SNW1: variants seen among roughly 807,000 people sequenced by gnomAD.
The protein encoded by SNW1 is SNW domain containing 1, also known as SNW domain-containing protein 1.
In SNW1, 9 loss-of-function variants were observed where a neutral mutation model predicts 75.6. The ratio of observed to expected loss-of-function variants is 0.12; its 90% CI spans 0.07 to 0.21. SNW1 has a LOEUF of 0.21. SNW1 is among the 10% of genes least tolerant of loss of function. The probability of loss-of-function intolerance (pLI) is 1.00; values close to 1 mark genes in which losing one functional copy is unlikely to be tolerated. For synonymous variants in SNW1, 200 were observed against 219.1 expected (o/e 0.91, Z 0.77); for missense variants, 409 against 670.9 (o/e 0.61, Z 4.31).
At chr14:77,752,035 G>A (rs2080813326) in intron 2 of SNW1, among the ~76,000 whole-genome samples, 1 of 152,164 alleles carries the variant, frequency 6.6e-6, no homozygotes, top group East Asian at 1.9e-4. Flanking sequence ...GGACTTACAT[G>A]CTACAGCAAG....
intron 12 of SNW1, among the ~76,000 whole-genome samples, chr14:77,719,277 T>TA (rs1307055354): frequency 6.6e-6 from 1 of 152,166 alleles, no homozygotes; most frequent in African/African-American, 2.4e-5. Context: ...AATATTTACT[T>TA]ACGTGAAATT....
At chr14:77,734,922 G>C (rs368893593) in intron 8 of SNW1, 25 bp downstream of exon 8, 29 of 1,522,878 alleles carry the variant, frequency 1.9e-5, no homozygotes, top group Non-Finnish European at 2.5e-5. Context: ...TATACTAATA[G>C]AGACTGATTT....
At chr14:77,726,807 T>TC (rs1435372047) in intron 10 of SNW1, among the ~76,000 whole-genome samples, 1 of 151,082 alleles carries the variant, frequency 6.6e-6, no homozygotes, top group African/African-American at 2.4e-5. Flanking sequence ...AGAGTGAGAC[T>TC]CCGTCTCAAA....
At chr14:77,720,662 G>T in intron 12 of SNW1, 49 bp downstream of exon 12, 3 of 1,184,250 alleles carry the variant, frequency 2.5e-6, no homozygotes, top group South Asian at 1.2e-5. Context: ...TTTCCCTGAG[G>T]ATAGGTATTC....
chr14:77,743,816 G>A (rs1434929678), intron 3 of SNW1, among the ~76,000 whole-genome samples: 1 of 152,128 alleles, frequency 6.6e-6, no homozygotes, highest in Non-Finnish European at 1.5e-5. Context: ...GTACAATGCT[G>A]AAGATGGTCC....
chr14:77,729,904 T>C (rs764695961), intron 10 of SNW1, among the ~76,000 whole-genome samples: 2 of 152,214 alleles, frequency 1.3e-5, no homozygotes, highest in Non-Finnish European at 2.9e-5. Context: ...AAAAGCTTTA[T>C]CTTTAGGTTA....
chr14:77,752,705 A>T (rs2080817790), intron 2 of SNW1, among the ~76,000 whole-genome samples: 1 of 152,214 alleles, frequency 6.6e-6, no homozygotes, highest in Non-Finnish European at 1.5e-5. Context: ...ATTAAGAAAT[A>T]ATAGAAAACA....
chr14:77,727,664 G>T (rs560343458), intron 10 of SNW1, among the ~76,000 whole-genome samples: 3 of 152,118 alleles, frequency 2.0e-5, no homozygotes, highest in East Asian at 1.9e-4. Flanking sequence ...CTTATTCTTG[G>T]TTCTATTAAT....
intron 11 of SNW1, chr14:77,722,402 T>A (rs1182818330): frequency 1.1e-5 from 4 of 376,972 alleles, no homozygotes; most frequent in African/African-American, 2.1e-5. Flanking sequence ...ATGAGCTGAT[T>A]TTCTACTTCT....
chr14:77,759,570 C>A (rs1234507919), intron 1 of SNW1, among the ~76,000 whole-genome samples: 1 of 152,054 alleles, frequency 6.6e-6, no homozygotes, highest in African/African-American at 2.4e-5. Flanking sequence ...CCTGTGTGTC[C>A]ATTTCAAATT....
At chr14:77,753,907 C>A (rs564447183) in intron 2 of SNW1, among the ~76,000 whole-genome samples, 19 of 150,964 alleles carry the variant, frequency 1.3e-4, no homozygotes, top group African/African-American at 3.7e-4. Context: ...GAGCCAAGAT[C>A]GCACCACTGC....
At chr14:77,728,051 T>A (rs1400300403) in intron 10 of SNW1, among the ~76,000 whole-genome samples, 1 of 143,810 alleles carries the variant, frequency 7.0e-6, no homozygotes. Flanking sequence ...TGTTAATTGT[T>A]AAAAAAAAAA....
In SNW1 at chr14:77,761,152, GC is replaced by G; in HGVS notation, c.-26del. 1.2e-6 allele frequency: 2 copies of G among 1,614,242 alleles called. No individual in the cohort carries two copies. Among genetic ancestry groups the G allele is most frequent in the Non-Finnish European group, 1.7e-6 (2 of 1,180,038 alleles). On this transcript the variant is annotated 5_prime_UTR_variant, in exon 1 of 14. Coordinates refer to ENST00000261531, the MANE Select transcript of SNW1 (RefSeq NM_012245.3). ...TCTTCTTCCGCTTCTTCCAGCGCGA[GC>G]GACAGCACCGCTGGGCGGGTCTTTC...
intron 10 of SNW1, 49 bp downstream of exon 10, chr14:77,730,938 TA>T: frequency 6.3e-7 from 1 of 1,580,066 alleles, no homozygotes; most frequent in Non-Finnish European, 8.6e-7. Context: ...TAAAATAAGA[TA>T]TATTTTGTTC....
chr14:77,757,245 A>G (rs979509860), intron 1 of SNW1, among the ~76,000 whole-genome samples: 3 of 152,154 alleles, frequency 2.0e-5, no homozygotes, highest in African/African-American at 7.2e-5. Context: ...AAATCACACA[A>G]ATCTATAATT....
rs562765547 is a variant in SNW1, at chr14:77,723,035, C to T, written c.1130+146G>A. The T allele has an allele frequency of 1.3e-4, 83 of 652,528 alleles. No homozygotes were observed. In the African/African-American group the frequency reaches 1.4e-3, roughly 11 times the overall value. The allele number at this position is 652,528 out of a possible 1,614,324, so 40.4% of individuals were successfully genotyped here. ...GCTAATTTTTTGTACTTTTAGTAGA[C>T]ACAGGGTTTCATCGTGTTAGCCAGG... On this transcript the variant is annotated intron_variant, in intron 11 of 13. Coordinates refer to ENST00000261531, the MANE Select transcript of SNW1 (RefSeq NM_012245.3).
intron 11 of SNW1, 45 bp downstream of exon 11, chr14:77,723,136 T>C (rs948636835): frequency 2.0e-6 from 3 of 1,498,602 alleles, no homozygotes; most frequent in Middle Eastern, 3.5e-4. Flanking sequence ...GGTGAACCAC[T>C]GCGCCCGGCC....
At position 77,759,560 on chromosome 14, in the gene SNW1, C is replaced by T. The variant is rs557909649; in HGVS notation, c.14+1554G>A. On this transcript the variant is annotated intron_variant, in intron 1 of 13. Coordinates refer to ENST00000261531, the MANE Select transcript of SNW1 (RefSeq NM_012245.3). ...ACCCATGACATCTCTAGAAATTTTT[C>T]CTGTGTGTCCATTTCAAATTCCACC... 2.0e-5 allele frequency among the ~76,000 whole-genome samples: 3 copies of T among 152,162 alleles called. No homozygotes were observed. In the East Asian group the frequency reaches 5.8e-4, roughly 29 times the overall value.
intron 3 of SNW1, among the ~76,000 whole-genome samples, chr14:77,748,605 G>A (rs973490736): frequency 2.7e-5 from 4 of 149,206 alleles, no homozygotes; most frequent in Admixed American, 2.0e-4. Flanking sequence ...TTTTTTATTT[G>A]AGACAGAGTC....
Sources: gnomAD v4.1 joint callset for allele counts (sites outside exome capture counted in the v4.1 genomes callset) on GRCh38, gnomAD v4.1.1 for gene constraint, MANE v1.5 for transcripts, NCBI Gene and HGNC (gene_info 2026-07-23, HGNC 2026-07-21) for gene names.